MAN1A1: variants seen among roughly 807,000 people sequenced by gnomAD.
MAN1A1 encodes mannosidase alpha class 1A member 1.
Under a neutral mutation model 70.8 loss-of-function variants are expected in MAN1A1, and 29 were observed. The observed-to-expected ratio is 0.41, with a 90% CI of 0.31 to 0.56. The LOEUF (loss-of-function observed/expected upper bound fraction) is 0.56. Among genes scored for constraint, MAN1A1 ranks in the 20% least tolerant of loss-of-function variants. The pLI is 0.29. For synonymous variants in MAN1A1, 349 were observed against 330.1 expected, an observed-to-expected ratio of 1.06 and a Z score of -0.62; for missense variants, 747 against 841.3, an observed-to-expected ratio of 0.89 and a Z score of 1.39.
rs2114950387 is a variant in MAN1A1, at chr6:119,205,008, T to C, written c.993-126A>G. 9.9e-6 allele frequency: 9 copies of C among 910,374 alleles called. No individual in the cohort carries two copies. The East Asian group carries it at 2.3e-4, about 23-fold the overall frequency. The allele number at this position is 910,374 out of a possible 1,614,324, so 56.4% of individuals were successfully genotyped here. On this transcript the variant is annotated intron_variant, in intron 6 of 12. Transcript: ENST00000368468. ...CCTAGCTAATAGTCCACTCTAGATA[T>C]TATAAAACCAAGCACTGTCTTCTTT...
intron 6 of MAN1A1, among the ~76,000 whole-genome samples, chr6:119,232,178 C>T (rs1210386023): frequency 6.6e-6 from 1 of 151,940 alleles, no homozygotes; most frequent in Non-Finnish European, 1.5e-5. Context: ...CGAGACCATC[C>T]TGGCTAACAC....
rs1773640148 is a variant in MAN1A1, at chr6:119,198,794, A to G, written c.1210+2460T>C. 2.0e-5 allele frequency among the ~76,000 whole-genome samples: 3 copies of G among 152,238 alleles called. No individual in the cohort carries two copies. The South Asian group carries it at 6.2e-4, about 32-fold the overall frequency. On this transcript the variant is annotated intron_variant, in intron 8 of 12. Transcript: ENST00000368468. ...TATGTTGTTTTGGCTGTAATACATC[A>G]AGACAAGTCAGCCTCACACAGTAAT... is the stretch of plus-strand genomic sequence containing the variant.
At chr6:119,285,592 A>T (rs1776347977) in intron 5 of MAN1A1, among the ~76,000 whole-genome samples, 1 of 149,008 alleles carries the variant, frequency 6.7e-6, no homozygotes. Flanking sequence ...AGGTATTGTG[A>T]TCACTGTTTT....
At chr6:119,300,228 A>G (rs1772349891) in intron 4 of MAN1A1, among the ~76,000 whole-genome samples, 1 of 151,968 alleles carries the variant, frequency 6.6e-6, no homozygotes. Flanking sequence ...ATAAGAAGGT[A>G]GAACTGAAGT....
intron 5 of MAN1A1, among the ~76,000 whole-genome samples, chr6:119,288,549 T>C (rs1445295632): frequency 6.6e-6 from 1 of 151,894 alleles, no homozygotes; most frequent in African/African-American, 2.4e-5. Flanking sequence ...AATGGCCAAT[T>C]CCCCTGAATG....
chr6:119,205,866 G>A (rs929470277), intron 6 of MAN1A1, among the ~76,000 whole-genome samples: 3 of 152,202 alleles, frequency 2.0e-5, no homozygotes, highest in Non-Finnish European at 4.4e-5. Context: ...TACAAGCATG[G>A]TTATGATAAT....
chr6:119,295,997 AC>A (rs1463758258), intron 4 of MAN1A1, among the ~76,000 whole-genome samples: 1 of 152,218 alleles, frequency 6.6e-6, no homozygotes, highest in Non-Finnish European at 1.5e-5. Context: ...ACTGGTAACT[AC>A]CAATAAGCCT....
chr6:119,236,611 G>A (rs1774852144), intron 6 of MAN1A1, among the ~76,000 whole-genome samples: 1 of 151,168 alleles, frequency 6.6e-6, no homozygotes, highest in African/African-American at 2.4e-5. Flanking sequence ...GGGAGGTTGA[G>A]GCAGAAGAAT....
intron 5 of MAN1A1, among the ~76,000 whole-genome samples, chr6:119,283,853 G>T (rs1226264163): frequency 6.6e-6 from 1 of 152,226 alleles, no homozygotes; most frequent in Non-Finnish European, 1.5e-5. Flanking sequence ...GACCAGTGGT[G>T]GTTTGCAAGA....
intron 9 of MAN1A1, among the ~76,000 whole-genome samples, chr6:119,190,709 A>G (rs1773418774): frequency 6.6e-6 from 1 of 152,214 alleles, no homozygotes; most frequent in South Asian, 2.1e-4. Context: ...TAAATTTGGG[A>G]GAAATGATAA....
chr6:119,226,387 C>T (rs1418185252), intron 6 of MAN1A1, among the ~76,000 whole-genome samples: 2 of 152,108 alleles, frequency 1.3e-5, no homozygotes, highest in Non-Finnish European at 2.9e-5. Flanking sequence ...CCGAGGGAAC[C>T]CTAATCTTTA....
intron 6 of MAN1A1, among the ~76,000 whole-genome samples, chr6:119,218,330 T>C (rs1774264436): frequency 6.6e-6 from 1 of 152,206 alleles, no homozygotes; most frequent in South Asian, 2.1e-4. Context: ...TGAAAATCTG[T>C]ACAATAACTT....
intron 6 of MAN1A1, 53 bp from the exon 7 acceptor site, chr6:119,204,935 A>G: frequency 1.9e-6 from 3 of 1,592,286 alleles, no homozygotes; most frequent in Non-Finnish European, 2.6e-6. Flanking sequence ...TCCGTTTTTC[A>G]CTATCTAAAT....
intron 6 of MAN1A1, among the ~76,000 whole-genome samples, chr6:119,232,351 C>T (rs371892162): frequency 2.6e-4 from 33 of 129,352 alleles, no homozygotes; most frequent in South Asian, 2.6e-4. Context: ...CCAGCCTGGA[C>T]GACAGAGCGA....
At chr6:119,181,220 A>C (rs1773145993) in intron 11 of MAN1A1, among the ~76,000 whole-genome samples, 1 of 152,190 alleles carries the variant, frequency 6.6e-6, no homozygotes, top group African/African-American at 2.4e-5. Flanking sequence ...GGCCCTTAAC[A>C]GAAAGAGTTT....
intron 11 of MAN1A1, among the ~76,000 whole-genome samples, chr6:119,181,140 GTAC>G (rs1417254215): frequency 6.6e-6 from 1 of 152,128 alleles, no homozygotes; most frequent in East Asian, 1.9e-4. Flanking sequence ...GGCTGTTTTT[GTAC>G]TACAATGACA....
chr6:119,350,063 G>C (rs914985221), upstream of MAN1A1, among the ~76,000 whole-genome samples: 5 of 152,184 alleles, frequency 3.3e-5, no homozygotes, highest in African/African-American at 1.2e-4. Flanking sequence ...GGGTCGGGGA[G>C]TTTATCCTGC....
At chr6:119,236,586 T>C (rs1774851157) in intron 6 of MAN1A1, among the ~76,000 whole-genome samples, 1 of 151,422 alleles carries the variant, frequency 6.6e-6, no homozygotes, top group African/African-American at 2.4e-5. Flanking sequence ...TGGGTGCCTA[T>C]AATCCCAGCT....
At chr6:119,271,326 A>G (rs1775917248) in intron 5 of MAN1A1, among the ~76,000 whole-genome samples, 1 of 152,204 alleles carries the variant, frequency 6.6e-6, no homozygotes, top group South Asian at 2.1e-4. Flanking sequence ...ACTTAAATCA[A>G]TTAAAAAAAA....
Sources: allele counts gnomAD v4.1 joint callset (sites outside exome capture counted in the v4.1 genomes callset), GRCh38; gene constraint gnomAD v4.1.1; transcripts MANE v1.5; gene names NCBI Gene and HGNC (gene_info 2026-07-23, HGNC 2026-07-21).